The following KIAA1217 variants were observed in gnomAD, a reference collection of about 807,000 sequenced individuals.
KIAA1217 encodes KIAA1217.
A neutral mutation model predicts 163.9 loss-of-function variants in KIAA1217; 88 were observed. That is an observed-to-expected ratio of 0.54 (90% CI 0.45 to 0.64). The LOEUF is 0.64. KIAA1217 is among the 30% of genes least tolerant of loss of function. The probability of loss-of-function intolerance (pLI) is 0.00; values close to 1 mark genes in which losing one functional copy is unlikely to be tolerated. For missense variants in KIAA1217, 2,372 were observed against 2,475.0 expected (o/e 0.96, Z 0.88); for synonymous variants, 903 against 923.1 (o/e 0.98, Z 0.39).
chr10:24,251,432 AAAAG>A (rs1382945614), intron 2 of KIAA1217, among the ~76,000 whole-genome samples: 7 of 151,722 alleles, frequency 4.6e-5, no homozygotes, highest in Non-Finnish European at 1.0e-4. Flanking sequence ...ACAAGAAAAA[AAAAG>A]AAAGAAAAAA....
At chr10:23,823,994 G>A (rs536577679) in intron 1 of KIAA1217, among the ~76,000 whole-genome samples, 30 of 151,924 alleles carry the variant, frequency 2.0e-4, no homozygotes, top group Admixed American at 5.2e-4. Flanking sequence ...GGGACACACC[G>A]GGCATGGTGG....
rs529726840 is a variant in KIAA1217 at position 24,128,111 on chromosome 10, C to T, written c.-170-91515C>T. Among the ~76,000 whole-genome samples, 9 of 152,212 alleles carry T rather than the reference C, an allele frequency of 5.9e-5. No individual in the cohort carries two copies. In the South Asian group the frequency reaches 1.0e-3, roughly 18 times the overall value. On this transcript the variant is annotated intron_variant, in intron 2 of 18. Coordinates refer to the KIAA1217 transcript ENST00000376462. ...ATTTTATTCTGTGTTTGGATTGAGG[C>T]GGAGTCTGTTGTTAGCTGCATGATG...
At position 23,727,266 on chromosome 10, in the gene KIAA1217, A is replaced by T. The variant is rs141344335; in HGVS notation, c.-321+32032A>T. On this transcript the variant is annotated intron_variant, in intron 1 of 18. Transcript: ENST00000376462. ...TCGGCCTCCCAGGCATCTTTCTAAA[A>T]ATAAAATTGTTAAACCAGGCATGGT... 1.1e-3 allele frequency among the ~76,000 whole-genome samples: 173 copies of T among 152,164 alleles called. 12 individuals are homozygous for T. The East Asian group carries it at 0.027, about 23-fold the overall frequency.
At chr10:23,771,908 C>G (rs936852753) in intron 1 of KIAA1217, among the ~76,000 whole-genome samples, 4 of 152,222 alleles carry the variant, frequency 2.6e-5, no homozygotes, top group Non-Finnish European at 4.4e-5. Flanking sequence ...TCTATATCCT[C>G]TTCCTTTCTT....
chr10:24,544,900 T>G, intron 19 of KIAA1217, 81 bp from the exon 20 acceptor site: 1 of 1,493,776 alleles, frequency 6.7e-7, no homozygotes, highest in Non-Finnish European at 9.2e-7. Flanking sequence ...TGAGCTTCTC[T>G]GCACATCGTG....
intron 1 of KIAA1217, among the ~76,000 whole-genome samples, chr10:24,007,060 A>G (rs1847032955): frequency 6.6e-6 from 1 of 152,178 alleles, no homozygotes; most frequent in African/African-American, 2.4e-5. Flanking sequence ...GGATAACTAT[A>G]AAGCCCTGTG....
intron 2 of KIAA1217, among the ~76,000 whole-genome samples, chr10:24,178,149 C>T (rs1175830369): frequency 1.3e-5 from 2 of 152,180 alleles, no homozygotes; most frequent in African/African-American, 2.4e-5. Context: ...ACCATTATCT[C>T]TGACATTATG....
intron 1 of KIAA1217, among the ~76,000 whole-genome samples, chr10:23,696,729 A>G (rs115765817): frequency 1.9e-4 from 29 of 152,242 alleles, no homozygotes; most frequent in African/African-American, 6.7e-4. Flanking sequence ...AACCACAATG[A>G]CTCACACTCG....
chr10:23,775,563 A>C (rs1834974138), intron 1 of KIAA1217, among the ~76,000 whole-genome samples: 1 of 152,170 alleles, frequency 6.6e-6, no homozygotes, highest in African/African-American at 2.4e-5. Flanking sequence ...CCCAAGTCAC[A>C]CACGTCTGTT....
intron 1 of KIAA1217, among the ~76,000 whole-genome samples, chr10:23,758,043 A>C (rs1289024927): frequency 6.6e-6 from 1 of 152,164 alleles, no homozygotes; most frequent in African/African-American, 2.4e-5. Flanking sequence ...TTGATGCACA[A>C]AATTTTTAAA....
chr10:24,254,504 G>A (rs1427836744), intron 2 of KIAA1217, among the ~76,000 whole-genome samples: 3 of 152,188 alleles, frequency 2.0e-5, no homozygotes, highest in Non-Finnish European at 4.4e-5. Context: ...ATTAGGAAAT[G>A]GGGGGCATGT....
At chr10:24,345,276 G>C (rs575783453) in intron 2 of KIAA1217, among the ~76,000 whole-genome samples, 3 of 152,328 alleles carry the variant, frequency 2.0e-5, no homozygotes, top group Admixed American at 2.0e-4. Context: ...GTAGTGCTTG[G>C]CTTGAGTTCC....
intron 2 of KIAA1217, among the ~76,000 whole-genome samples, chr10:24,269,288 C>T (rs533951152): frequency 2.0e-4 from 30 of 150,832 alleles, no homozygotes; most frequent in African/African-American, 6.8e-4. Flanking sequence ...TTTGGGAGAC[C>T]GAGGTGAGAA....
chr10:23,844,730 C>T (rs1409316340), intron 1 of KIAA1217, among the ~76,000 whole-genome samples: 2 of 150,628 alleles, frequency 1.3e-5, no homozygotes, highest in Admixed American at 6.6e-5. Context: ...ATTTGTGGCT[C>T]AACGTTTAAT....
At chr10:23,984,402 A>C (rs2366595) in intron 1 of KIAA1217, among the ~76,000 whole-genome samples, 95,921 of 152,140 alleles carry the variant, frequency 0.63, 32,179 homozygotes, top group African/African-American at 0.88. Flanking sequence ...GATTTTTAAT[A>C]CTTTGGGTAT....
chr10:24,165,178 G>T (rs2065288493), intron 2 of KIAA1217, among the ~76,000 whole-genome samples: 1 of 152,180 alleles, frequency 6.6e-6, no homozygotes, highest in Non-Finnish European at 1.5e-5. Context: ...TTCCCACATA[G>T]ACCATAGACA....
intron 1 of KIAA1217, among the ~76,000 whole-genome samples, chr10:23,803,687 T>G (rs1836589587): frequency 6.6e-6 from 1 of 152,212 alleles, no homozygotes; most frequent in African/African-American, 2.4e-5. Flanking sequence ...TGATGTACTT[T>G]TCTCAATTTT....
chr10:24,174,341 A>G (rs372851647), intron 2 of KIAA1217, among the ~76,000 whole-genome samples: 165 of 152,340 alleles, frequency 1.1e-3, no homozygotes, highest in African/African-American at 3.9e-3. Flanking sequence ...TGCACATCTC[A>G]GCATCCACAC....
Position 24,544,334 on chromosome 10 carries a change from A to G in KIAA1217, c.5064A>G (p.Leu1688=), listed in dbSNP as rs754670715. 3.1e-6 allele frequency: 5 copies of G among 1,614,176 alleles called. No individual in the cohort carries two copies. Among genetic ancestry groups the G allele is most frequent in the Middle Eastern group, 1.6e-4 (1 of 6,062 alleles). Residue 1688 remains leucine, a synonymous_variant, in exon 19 of 21, where the codon CTA becomes CTG. Transcript: ENST00000376454. The stretch of plus-strand genomic sequence containing the variant: ...TCAGTGAAATGAGTCCCAAAGCCCT[A>G]GTTGATACCTCATGTTCTTCCAACA... ...NTISEMSPKA[L]VDTSCSSNRD...
Sources: gnomAD v4.1 joint callset for allele counts (sites outside exome capture counted in the v4.1 genomes callset) on GRCh38, gnomAD v4.1.1 for gene constraint, MANE v1.5 for transcripts, NCBI Gene and HGNC (gene_info 2026-07-23, HGNC 2026-07-21) for gene names.